Variants in MTCL1 observed in about 807,000 individuals in gnomAD.
The protein encoded by MTCL1 is microtubule crosslinking factor 1, also known as microtubule cross-linking factor 1.
Under a neutral mutation model 141.4 loss-of-function variants are expected in MTCL1, and 79 were observed. The observed-to-expected ratio is 0.56, with a 90% CI of 0.47 to 0.67. MTCL1 has a LOEUF of 0.67. Among genes scored for constraint, MTCL1 ranks in the 30% least tolerant of loss-of-function variants. MTCL1 has a pLI of 0.00. For synonymous variants in MTCL1, 914 were observed against 875.8 expected, an observed-to-expected ratio of 1.04 and a Z score of -0.77; for missense variants, 2,177 against 2,113.9, an observed-to-expected ratio of 1.03 and a Z score of -0.59.
chr18:8,748,111 C>T (rs986011511), intron 4 of MTCL1, among the ~76,000 whole-genome samples: 3 of 152,150 alleles, frequency 2.0e-5, no homozygotes, highest in African/African-American at 7.2e-5. Flanking sequence ...TCAGCTCTCT[C>T]CCTCACACAG....
intron 7 of MTCL1, 27 bp downstream of exon 6, chr18:8,786,118 C>CCCG: frequency 7.1e-7 from 1 of 1,400,604 alleles, no homozygotes; most frequent in Non-Finnish European, 9.4e-7. Flanking sequence ...AATCCCCCCC[C>CCCG]CCCGCCCTCC....
chr18:8,740,772 C>T (rs964714006), intron 4 of MTCL1, among the ~76,000 whole-genome samples: 4 of 152,132 alleles, frequency 2.6e-5, no homozygotes, highest in South Asian at 4.1e-4. Context: ...GGTGAGCCAC[C>T]GCACCCGGCT....
At chr18:8,740,026 C>T (rs2096294123) in intron 4 of MTCL1, among the ~76,000 whole-genome samples, 1 of 152,224 alleles carries the variant, frequency 6.6e-6, no homozygotes, top group South Asian at 2.1e-4. Flanking sequence ...CCACCGCGCC[C>T]AGCCAAGGAG....
exon 12 of MTCL1, chr18:8,813,141 A>T: frequency 6.2e-7 from 1 of 1,614,190 alleles, no homozygotes; most frequent in Non-Finnish European, 8.5e-7. Context: ...GAAGAACTGG[A>T]ACCGGGAGAA....
chr18:8,738,348 TGTG>T (rs1208320727), intron 4 of MTCL1, among the ~76,000 whole-genome samples: 4 of 152,344 alleles, frequency 2.6e-5, no homozygotes, highest in African/African-American at 7.2e-5. Context: ...CCAGTTTACA[TGTG>T]GTGGGAAACT....
chr18:8,807,057 A>G (rs1387871059), exon 11 of MTCL1: 2 of 1,612,378 alleles, frequency 1.2e-6, no homozygotes, highest in African/African-American at 1.3e-5. Context: ...GCCGTCTGGA[A>G]CAGGTACCAC....
At chr18:8,742,918 C>T (rs539707950) in intron 4 of MTCL1, among the ~76,000 whole-genome samples, 1 of 152,338 alleles carries the variant, frequency 6.6e-6, no homozygotes, top group East Asian at 1.9e-4. Context: ...ATGCACCACT[C>T]ATGGACCTGT....
chr18:8,720,260 C>T (rs1174770912), intron 3 of MTCL1, 78 bp from the exon 3 acceptor site: 3 of 1,398,638 alleles, frequency 2.1e-6, no homozygotes, highest in Admixed American at 1.9e-5. Context: ...AATGATTTTG[C>T]CTCTGATGTT....
intron 1 of MTCL1, among the ~76,000 whole-genome samples, chr18:8,709,626 C>T (rs1414831698): frequency 2.6e-5 from 4 of 152,134 alleles, no homozygotes; most frequent in Non-Finnish European, 5.9e-5. Context: ...AGAGGCTCGG[C>T]CCACAAATTT....
chr18:8,754,243 G>C (rs1489628177), intron 4 of MTCL1, among the ~76,000 whole-genome samples: 1 of 152,064 alleles, frequency 6.6e-6, no homozygotes, highest in African/African-American at 2.4e-5. Flanking sequence ...GCTAATTTTT[G>C]TAATTTTAAT....
At chr18:8,793,251 A>G in intron 8 of MTCL1, 131 bp downstream of exon 7, 1 of 1,276,620 alleles carries the variant, frequency 7.8e-7, no homozygotes, top group Non-Finnish European at 1.1e-6. Context: ...GCACGTATGG[A>G]AAGGTCACCC....
chr18:8,758,483 T>C (rs916264858), intron 4 of MTCL1, among the ~76,000 whole-genome samples: 3 of 152,200 alleles, frequency 2.0e-5, no homozygotes, highest in African/African-American at 7.2e-5. Flanking sequence ...TGGGGTTTCC[T>C]TCATTCATAG....
intron 13 of MTCL1, 101 bp from the exon 13 acceptor site, chr18:8,821,366 G>A (rs2076840534): frequency 8.2e-6 from 6 of 730,664 alleles, no homozygotes; most frequent in South Asian, 4.9e-5. Context: ...TTTAAATGGT[G>A]GTTTCCTGGG....
intron 7 of MTCL1, among the ~76,000 whole-genome samples, chr18:8,788,856 C>T (rs1204819425): frequency 1.3e-5 from 2 of 152,178 alleles, no homozygotes; most frequent in Non-Finnish European, 2.9e-5. Flanking sequence ...CACTTCAGGA[C>T]GAGTGTTTCT....
At chr18:8,786,766 T>G in intron 7 of MTCL1, 1 of 211,936 alleles carries the variant, frequency 4.7e-6, no homozygotes, top group South Asian at 9.2e-5. Flanking sequence ...GAAGCACCTT[T>G]AAAAGTCCAA....
chr18:8,726,494 AGCGCGCGCGCGCGCAAGAGCGAGC>A (rs377698340), intron 4 of MTCL1, among the ~76,000 whole-genome samples: 5,729 of 128,118 alleles, frequency 0.045, 355 homozygotes, highest in African/African-American at 0.11. Flanking sequence ...AGAGAGAGAG[AGCGCGCGCGCGCGCAAGAGCGAGC>A]GAGAGAGAGC....
chr18:8,731,170 G>A (rs954332948), intron 4 of MTCL1, among the ~76,000 whole-genome samples: 4 of 152,076 alleles, frequency 2.6e-5, no homozygotes, highest in South Asian at 2.1e-4. Context: ...GCGTGAACCC[G>A]GGAGTCAGAG....
chr18:8,723,776 C>T (rs187280604), intron 4 of MTCL1, among the ~76,000 whole-genome samples: 23 of 152,332 alleles, frequency 1.5e-4, no homozygotes, highest in East Asian at 9.6e-4. Flanking sequence ...CCTCTTCTCC[C>T]TTCTTCAGCC....
At chr18:8,738,013 G>A (rs544763385) in intron 4 of MTCL1, among the ~76,000 whole-genome samples, 2 of 152,168 alleles carry the variant, frequency 1.3e-5, no homozygotes, top group Non-Finnish European at 2.9e-5. Flanking sequence ...TCCTTCAATA[G>A]TATTTAAGAA....
Sources: gnomAD v4.1 joint callset for allele counts (sites outside exome capture counted in the v4.1 genomes callset) on GRCh38, gnomAD v4.1.1 for gene constraint, MANE v1.5 for transcripts, NCBI Gene and HGNC (gene_info 2026-07-23, HGNC 2026-07-21) for gene names.